Variants in PCDH12 observed in about 807,000 individuals in gnomAD.
The protein encoded by PCDH12 is protocadherin-12.
Under a neutral mutation model 70.9 loss-of-function variants are expected in PCDH12, and 45 were observed. That is an observed-to-expected ratio of 0.63 (90% CI 0.50 to 0.81). PCDH12 has a LOEUF of 0.81. Ranked by LOEUF, PCDH12 falls within the 40% of genes least tolerant of loss-of-function variation. The probability of loss-of-function intolerance (pLI) is 0.00; values close to 1 mark genes in which losing one functional copy is unlikely to be tolerated. For missense variants in PCDH12, 1,370 were observed against 1,491.7 expected, an observed-to-expected ratio of 0.92 and a Z score of 1.34; for synonymous variants, 567 against 626.0, an observed-to-expected ratio of 0.91 and a Z score of 1.41.
chr5:141,950,324 A>C (rs550269400), intron 2 of PCDH12, among the ~76,000 whole-genome samples: 3 of 152,102 alleles, frequency 2.0e-5, no homozygotes, highest in African/African-American at 7.2e-5. Flanking sequence ...AAGGCGTAGG[A>C]GTCCTTCTGT....
At chr5:141,954,872 A>G in intron 1 of PCDH12, 100 bp downstream of exon 1, 2 of 1,439,074 alleles carry the variant, frequency 1.4e-6, no homozygotes, top group Non-Finnish European at 1.9e-6. Flanking sequence ...AGGTGAGCCT[A>G]AGGAAGAAAC....
At chr5:141,954,739 TTTACAG>T (rs1157489748) in intron 1 of PCDH12, among the ~76,000 whole-genome samples, 1 of 152,212 alleles carries the variant, frequency 6.6e-6, no homozygotes, top group Non-Finnish European at 1.5e-5. Context: ...TCATCTCTAA[TTTACAG>T]ATAAGACAAC....
chr5:141,952,950 G>A (rs1056085756), intron 1 of PCDH12: 1 of 152,272 alleles, frequency 6.6e-6, no homozygotes, highest in African/African-American at 2.4e-5. Context: ...TGGAAGAGGA[G>A]ATGGCCAGGA....
chr5:141,947,696 CATT>C (rs1271201798), intron 3 of PCDH12, among the ~76,000 whole-genome samples: 8 of 152,334 alleles, frequency 5.3e-5, no homozygotes, highest in African/African-American at 1.9e-4. Flanking sequence ...ACCAGGAAAA[CATT>C]ATCATGGTCG....
At chr5:141,947,289 T>C (rs1266072963) in intron 3 of PCDH12, among the ~76,000 whole-genome samples, 1 of 152,254 alleles carries the variant, frequency 6.6e-6, no homozygotes, top group Non-Finnish European at 1.5e-5. Flanking sequence ...TGAACATAAA[T>C]ATTAACCTTC....
rs549407067 is a variant in PCDH12, at chr5:141,951,597, G to A, written c.2881-7C>T. On this transcript the variant is annotated splice_polypyrimidine_tract_variant and splice_region_variant and intron_variant, in intron 1 of 3. Coordinates refer to ENST00000231484, the MANE Select transcript of PCDH12 (RefSeq NM_016580.4). ...ACAGCAGCTGGGAGATTTGCTACAA[G>A]ACAGGAAAAATCTGTTGACTCCACA... 2 of 1,610,770 alleles carry A rather than the reference G, an allele frequency of 1.2e-6. No homozygotes were observed. The highest frequency in any genetic ancestry group is 1.7e-5 in the Admixed American group (1 of 60,026).
rs114438566 is a variant in PCDH12, at chr5:141,944,951, T to A, written c.*430A>T. On this transcript the variant is annotated 3_prime_UTR_variant, in exon 4 of 4. Transcript: ENST00000231484. ...CTCTTCCCTTCTCCCTCTTGACAGG[T>A]GCAAACAGGAGAATGAATCACTGCT... 7.8e-3 allele frequency: 1,396 copies of A among 178,090 alleles called. 23 individuals carry two copies. Among genetic ancestry groups the A allele is most frequent in the African/African-American group, 0.032 (1,338 of 42,032 alleles). 11.0% of individuals were successfully genotyped at this position (178,090 alleles called of 1,614,324 possible).
In PCDH12 at chr5:141,956,820, A is replaced by C; in HGVS notation, c.1032T>G (p.Asp344Glu). ...AHCKVLIKVL[D>E]VNDNIPSIHV... ...GGATGCTTGGGATGTTGTCATTGAC[A>C]TCCAGAACCTTGATGAGAACTTTGC... The change falls in exon 1 of 4, where the codon GAT becomes GAG. Residue 344 changes from aspartate to glutamate, a missense_variant. Coordinates refer to ENST00000231484, the MANE Select transcript of PCDH12 (RefSeq NM_016580.4). 6 of 1,614,254 alleles carry C rather than the reference A, an allele frequency of 3.7e-6. No homozygotes were observed. Among genetic ancestry groups the C allele is most frequent in the Non-Finnish European group, 5.1e-6 (6 of 1,180,042 alleles).
At position 141,957,939 on chromosome 5, in the gene PCDH12, C is replaced by G; in HGVS notation, c.-88G>C. On this transcript the variant is annotated 5_prime_UTR_variant, in exon 1 of 4. Transcript: ENST00000231484. This position sits in a 1 kb window ranked among gnomAD's most constrained non-coding sequence, Gnocchi z 4.3. ...TCCAGTGTTTCCTGGATGGCTTGAT[C>G]AGCCCCGTGCTCCTTCCCCCAGAGC... 2.1e-6 allele frequency: 3 copies of G among 1,455,368 alleles called. No individual in the cohort carries two copies. Among genetic ancestry groups the G allele is most frequent in the Non-Finnish European group, 2.8e-6 (3 of 1,085,002 alleles). The allele number at this position is 1,455,368 out of a possible 1,614,324, so 90.2% of individuals were successfully genotyped here. A position where few individuals can be genotyped will look rare whatever the true frequency, so the allele number is the denominator to read the frequency against.
Position 141,945,243 on chromosome 5 carries a change from C to T in PCDH12, c.*138G>A. 1 of 1,059,292 alleles carries T rather than the reference C, an allele frequency of 9.4e-7. No homozygotes were observed. The highest frequency in any genetic ancestry group is 2.4e-5 in the East Asian group (1 of 42,088). 65.6% of individuals were successfully genotyped at this position (1,059,292 alleles called of 1,614,324 possible). On this transcript the variant is annotated 3_prime_UTR_variant, in exon 4 of 4. Coordinates refer to ENST00000231484, the MANE Select transcript of PCDH12 (RefSeq NM_016580.4). Reference sequence around the variant, plus strand: ...GCTGTTAGTCCTGGGGCTCTTGCCTCCTCTGTGGGGGTAGCATCAGTCACC... The same window carrying T: ...GCTGTTAGTCCTGGGGCTCTTGCCTTCTCTGTGGGGGTAGCATCAGTCACC...
chr5:141,947,785 C>G (rs986682877), intron 3 of PCDH12, among the ~76,000 whole-genome samples: 3 of 152,182 alleles, frequency 2.0e-5, no homozygotes, highest in Non-Finnish European at 4.4e-5. Flanking sequence ...GCAGCAAGAT[C>G]CCAGTCTCCC....
intron 3 of PCDH12, among the ~76,000 whole-genome samples, chr5:141,948,592 A>AAT (rs1246022221): frequency 1.3e-5 from 2 of 152,230 alleles, no homozygotes; most frequent in Non-Finnish European, 2.9e-5. Flanking sequence ...TGCAATTGTT[A>AAT]GCATATTAAA....
In PCDH12 at chr5:141,956,513, T is replaced by C. The variant is rs1463109180; in HGVS notation, c.1339A>G (p.Ser447Gly). Reference sequence around the variant, plus strand: ...TCGTTGATGTCACTGATCTGAATGCTGAGCTGTTTCTTGGCTGATAAGGGC... The same window carrying C: ...TCGTTGATGTCACTGATCTGAATGCCGAGCTGTTTCTTGGCTGATAAGGGC... ...LQPLSAKKQL[S>G]IQISDINDNA... Residue 447 changes from serine (S) to glycine (G), a missense_variant, in exon 1 of 4, where the codon AGC becomes GGC. Ser to Gly is a moderately conservative substitution (Grantham distance 56, BLOSUM62 0). Transcript: ENST00000231484. 1.2e-6 allele frequency: 2 copies of C among 1,613,926 alleles called. No homozygotes were observed. Among genetic ancestry groups the C allele is most frequent in the Non-Finnish European group, 1.7e-6 (2 of 1,179,858 alleles).
In PCDH12 at chr5:141,957,180, CT is replaced by C. The variant is rs1753199287; in HGVS notation, c.671del (p.Lys224SerfsTer41). On this transcript the variant is annotated frameshift_variant, in exon 1 of 4. Transcript: ENST00000231484. LOFTEE classifies it high-confidence loss of function. This position sits in a 1 kb window ranked among gnomAD's most constrained non-coding sequence, Gnocchi z 4.3. ...TGACCTTGACCAAGCTGGTACCTGA[CT>C]TGGGGGGGTTCCCATTGTCATAGGC... ...LTAYDNGNPPKSGTSLVKVNV... is the reference protein window; with the variant it reads ...LTAYDNGNPPXSGTSLVKVNV... 6.2e-7 allele frequency: 1 copy of C among 1,614,102 alleles called. No individual in the cohort carries two copies. The highest frequency in any genetic ancestry group is 1.3e-5 in the African/African-American group (1 of 74,934).
intron 3 of PCDH12, among the ~76,000 whole-genome samples, chr5:141,946,343 G>A (rs1281461668): frequency 1.3e-5 from 2 of 152,306 alleles, no homozygotes; most frequent in Middle Eastern, 3.4e-3. Context: ...AAACCTTTGA[G>A]GTCAAGAGTA....
In PCDH12 at chr5:141,957,182, T is replaced by TG. The variant is rs776111123; in HGVS notation, c.669dup (p.Lys224GlnfsTer16). The TG allele has an allele frequency of 1.1e-4, 184 of 1,613,988 alleles. No homozygotes were observed. The highest frequency in any genetic ancestry group is 1.4e-4 in the Non-Finnish European group (168 of 1,180,024). On this transcript the variant is annotated frameshift_variant, in exon 1 of 4. Coordinates refer to ENST00000231484, the MANE Select transcript of PCDH12 (RefSeq NM_016580.4). LOFTEE classifies it high-confidence loss of function. The surrounding 1 kb of genome is among the most constrained non-coding windows in gnomAD (Gnocchi z 4.3). ...ACCTTGACCAAGCTGGTACCTGACT[T>TG]GGGGGGGTTCCCATTGTCATAGGCA...
chr5:141,955,929 T>C lies in PCDH12; in HGVS notation c.1923A>G (p.Gly641=), dbSNP rs1296353500. 3.7e-6 allele frequency: 6 copies of C among 1,614,034 alleles called. No individual in the cohort carries two copies. Among genetic ancestry groups the C allele is most frequent in the Non-Finnish European group, 5.1e-6 (6 of 1,180,044 alleles). Residue 641 remains glycine, a synonymous_variant, in exon 1 of 4, where the codon GGA becomes GGG. Transcript: ENST00000231484. This position sits in a 1 kb window ranked among gnomAD's most constrained non-coding sequence, Gnocchi z 5.5. ...NGEPLYSIRS[G]NEAHLFILNP... ...TGAGGATGAAGAGGTGGGCTTCATT[T>C]CCACTGCGGATGCTGTAGAGGGGCT...
chr5:141,954,049 C>T (rs564309697), intron 1 of PCDH12, among the ~76,000 whole-genome samples: 3 of 152,204 alleles, frequency 2.0e-5, no homozygotes, highest in Non-Finnish European at 4.4e-5. Flanking sequence ...CTCATCATCC[C>T]ATTTAGCCCT....
chr5:141,956,990 G>C lies in PCDH12; in HGVS notation c.862C>G (p.Pro288Ala), dbSNP rs753244148. Reference protein sequence around the residue: ...EVEFFLSKHMPPEVLDTFSID... With the variant: ...EVEFFLSKHMAPEVLDTFSID... ...CTGAAGGTGTCCAGCACCTCTGGAG[G>C]CATGTGCTTACTGAGGAAGAACTCC... The change falls in exon 1 of 4, where the codon CCT becomes GCT. Residue 288 changes from proline (P) to alanine (A), a missense_variant. Physicochemically the swap from Pro to Ala is conservative, Grantham distance 27 (BLOSUM62 -1). Transcript: ENST00000231484. 1.3e-5 allele frequency: 21 copies of C among 1,614,088 alleles called. No individual in the cohort carries two copies. The highest frequency in any genetic ancestry group is 1.6e-4 in the Middle Eastern group (1 of 6,084).
Sources: gnomAD v4.1 joint callset for allele counts (sites outside exome capture counted in the v4.1 genomes callset) on GRCh38, gnomAD v4.1.1 for gene constraint, Gnocchi (gnomAD v3.1) non-coding constraint, MANE v1.5 for transcripts, NCBI Gene and HGNC (gene_info 2026-07-23, HGNC 2026-07-21) for gene names.